Variants in SLC4A8 observed in about 807,000 individuals in gnomAD.
SLC4A8 encodes the protein solute carrier family 4 member 8, also known as electroneutral sodium bicarbonate exchanger 1.
Under a neutral mutation model 125.0 loss-of-function variants are expected in SLC4A8, and 40 were observed. The observed-to-expected ratio is 0.32, with a 90% confidence interval of 0.25 to 0.42. The LOEUF is 0.42. Ranked by LOEUF, SLC4A8 falls within the 10% of genes least tolerant of loss-of-function variation. The probability of loss-of-function intolerance (pLI) is 1.00; values close to 1 mark genes in which losing one functional copy is unlikely to be tolerated. For missense variants in SLC4A8, 863 were observed against 1,355.1 expected, an observed-to-expected ratio of 0.64 and a Z score of 5.70; for synonymous variants, 456 against 476.0, an observed-to-expected ratio of 0.96 and a Z score of 0.55.
At chr12:51,459,397 C>A (rs970753802) in intron 7 of SLC4A8, among the ~76,000 whole-genome samples, 1 of 152,006 alleles carries the variant, frequency 6.6e-6, no homozygotes. Flanking sequence ...ACCTTAAAAG[C>A]TCTGTGGTCC....
chr12:51,401,991 C>T (rs1365131149), intron 1 of SLC4A8, among the ~76,000 whole-genome samples: 2 of 152,028 alleles, frequency 1.3e-5, no homozygotes, highest in African/African-American at 4.8e-5. Context: ...TGGTCTCAAA[C>T]ATCTGAGCTT....
At chr12:51,397,171 G>A (rs1056153582) in intron 1 of SLC4A8, among the ~76,000 whole-genome samples, 7 of 151,868 alleles carry the variant, frequency 4.6e-5, no homozygotes, top group Non-Finnish European at 7.4e-5. Context: ...CTCGTGATCC[G>A]CCCACCTCGG....
intron 16 of SLC4A8, among the ~76,000 whole-genome samples, chr12:51,479,429 A>G (rs577063252): frequency 8.7e-4 from 132 of 152,144 alleles, no homozygotes; most frequent in Middle Eastern, 3.4e-3. Flanking sequence ...GCTCATGGCT[A>G]TAATCCCAGC....
intron 6 of SLC4A8, 90 bp from the exon 7 acceptor site, chr12:51,458,466 CAGG>C: frequency 1.2e-6 from 1 of 833,442 alleles, no homozygotes; most frequent in East Asian, 2.5e-5. Context: ...ATAGGCTTTG[CAGG>C]AGAAGGCAGA....
rs559155571 is a variant in SLC4A8, at chr12:51,475,083, G to A, written c.2049G>A (p.Ala683=). 2.0e-5 allele frequency: 33 copies of A among 1,613,970 alleles called. No individual in the cohort carries two copies. The Middle Eastern group carries it at 8.3e-4, about 40-fold the overall frequency. Residue 683 remains alanine (A), a synonymous_variant, in exon 16 of 25, where the codon GCG becomes GCA. Transcript: ENST00000453097. The part of the protein sequence containing the change: ...QEMHGEFMGS[A]CGHHGPYTPD... ...TGCATGGAGAGTTCATGGGATCTGC[G>A]TGCGGCCATCATGGACCCTACACTC...
intron 1 of SLC4A8, among the ~76,000 whole-genome samples, chr12:51,434,221 CAT>C (rs1482449210): frequency 2.0e-5 from 3 of 152,036 alleles, no homozygotes; most frequent in Non-Finnish European, 4.4e-5. Context: ...AAATCTCAGA[CAT>C]ATTATTTCAT....
At chr12:51,481,810 G>T (rs984650150) in intron 16 of SLC4A8, among the ~76,000 whole-genome samples, 1 of 151,938 alleles carries the variant, frequency 6.6e-6, no homozygotes, top group African/African-American at 2.4e-5. Flanking sequence ...AAATTAGCCA[G>T]GCGTGGTGGT....
intron 19 of SLC4A8, among the ~76,000 whole-genome samples, chr12:51,493,406 TTG>T (rs1001247882): frequency 4.0e-5 from 6 of 148,854 alleles, no homozygotes; most frequent in African/African-American, 1.0e-4. Context: ...GTGTGTGTGT[TTG>T]TGTGTGTGTG....
chr12:51,442,076 C>T (rs1949615837), intron 2 of SLC4A8, among the ~76,000 whole-genome samples: 1 of 152,012 alleles, frequency 6.6e-6, no homozygotes, highest in Non-Finnish European at 1.5e-5. Context: ...TTCATAGCAC[C>T]CCAGGCAGGT....
intron 1 of SLC4A8, among the ~76,000 whole-genome samples, chr12:51,396,106 T>C (rs1375187952): frequency 6.6e-6 from 1 of 152,232 alleles, no homozygotes; most frequent in African/African-American, 2.4e-5. Context: ...ATTTTTATGA[T>C]TGGGTTGTAA....
At chr12:51,484,437 C>A (rs368455010) in intron 16 of SLC4A8, among the ~76,000 whole-genome samples, 2 of 152,122 alleles carry the variant, frequency 1.3e-5, no homozygotes, top group Non-Finnish European at 2.9e-5. Context: ...ATGTACGTGC[C>A]GTAGGAGTTC....
chr12:51,508,714 A>T lies in SLC4A8; in HGVS notation c.*1276A>T, dbSNP rs190982118. 2.4e-4 allele frequency: 36 copies of T among 152,368 alleles called. No homozygotes were observed. Among genetic ancestry groups the T allele is most frequent in the African/African-American group, 8.7e-4 (36 of 41,576 alleles). The allele number at this position is 152,368 out of a possible 1,614,324, so 9.4% of individuals were successfully genotyped here. On this transcript the variant is annotated 3_prime_UTR_variant, in exon 25 of 25. Transcript: ENST00000453097. ...TCTCTTCTCTTCTATGTTGCAATGAATGTAAAGTATTTGGGATCCAGTGCT... is the reference window on the plus strand; with the variant it reads ...TCTCTTCTCTTCTATGTTGCAATGATTGTAAAGTATTTGGGATCCAGTGCT...
upstream of SLC4A8, chr12:51,420,271 TA>T: frequency 6.6e-6 from 1 of 152,320 alleles, no homozygotes; most frequent in East Asian, 1.9e-4. Flanking sequence ...AATTGGGACC[TA>T]TTTAATTGCA....
chr12:51,459,838 C>T, intron 7 of SLC4A8, 113 bp from the exon 8 acceptor site: 2 of 879,398 alleles, frequency 2.3e-6, no homozygotes, highest in Non-Finnish European at 1.8e-6. Flanking sequence ...CACTGCACTC[C>T]AGAGTGGGTG....
Position 51,425,012 on chromosome 12 carries a change from C to T in SLC4A8, c.25C>T (p.Pro9Ser), listed in dbSNP as rs534359885. MPAAGSNE[P>S]DGVLSYQRPD... Reference sequence around the variant, plus strand: ...CATGCCGGCCGCCGGGAGTAACGAGCCGGACGGCGTCCTCAGCTATCAGGT... The same window carrying T: ...CATGCCGGCCGCCGGGAGTAACGAGTCGGACGGCGTCCTCAGCTATCAGGT... Residue 9 changes from proline to serine, a missense_variant, in exon 1 of 25, where the codon CCG (proline) becomes TCG (serine). Coordinates refer to ENST00000453097, the MANE Select transcript of SLC4A8 (RefSeq NM_001039960.3). 7.7e-6 allele frequency: 12 copies of T among 1,556,464 alleles called. No individual in the cohort carries two copies. The highest frequency in any genetic ancestry group is 1.2e-5 in the South Asian group (1 of 84,438).
At chr12:51,427,024 C>T (rs997870503) in intron 1 of SLC4A8, among the ~76,000 whole-genome samples, 14 of 151,024 alleles carry the variant, frequency 9.3e-5, no homozygotes, top group African/African-American at 3.4e-4. Context: ...CTACAAGCTC[C>T]GTCTCCCAGG....
chr12:51,395,080 C>T (rs552581384), intron 1 of SLC4A8, among the ~76,000 whole-genome samples: 16 of 151,700 alleles, frequency 1.1e-4, no homozygotes, highest in African/African-American at 2.4e-4. Context: ...AAAAGTTATA[C>T]GTAAATGAAA....
chr12:51,411,045 G>GT (rs58816269), intron 1 of SLC4A8, among the ~76,000 whole-genome samples: 11,920 of 122,754 alleles, frequency 0.097, 706 homozygotes, highest in East Asian at 0.31. Flanking sequence ...TGGCCAATCT[G>GT]TTTTTTTTTT....
At chr12:51,481,601 A>C (rs1375288340) in intron 16 of SLC4A8, among the ~76,000 whole-genome samples, 2 of 152,064 alleles carry the variant, frequency 1.3e-5, no homozygotes, top group Non-Finnish European at 2.9e-5. Context: ...GGAGTAGATA[A>C]AACTGTGATT....
Sources: allele counts gnomAD v4.1 joint callset (sites outside exome capture counted in the v4.1 genomes callset), GRCh38; gene constraint gnomAD v4.1.1; transcripts MANE v1.5; gene names NCBI Gene and HGNC (gene_info 2026-07-23, HGNC 2026-07-21).